KIAA1549L: variants seen among roughly 807,000 people sequenced by gnomAD.
KIAA1549L encodes UPF0606 protein KIAA1549L.
Under a neutral mutation model 160.7 loss-of-function variants are expected in KIAA1549L, and 88 were observed. The ratio of observed to expected loss-of-function variants is 0.55; its 90% confidence interval spans 0.46 to 0.65. KIAA1549L has a LOEUF of 0.65. Among genes scored for constraint, KIAA1549L ranks in the 30% least tolerant of loss-of-function variants. KIAA1549L has a pLI of 0.00. For missense variants in KIAA1549L, 2,258 were observed against 2,437.5 expected, an observed-to-expected ratio of 0.93 and a Z score of 1.55; for synonymous variants, 950 against 976.7, an observed-to-expected ratio of 0.97 and a Z score of 0.51.
chr11:33,624,798 T>G (rs899906096), intron 16 of KIAA1549L, among the ~76,000 whole-genome samples: 3 of 151,734 alleles, frequency 2.0e-5, no homozygotes, highest in African/African-American at 7.3e-5. Flanking sequence ...AGGGTACATG[T>G]GCACAATGTG....
intron 1 of KIAA1549L, among the ~76,000 whole-genome samples, chr11:33,450,490 T>C (rs2132970263): frequency 6.6e-6 from 1 of 152,186 alleles, no homozygotes; most frequent in Non-Finnish European, 1.5e-5. Context: ...AGGCTGGGAA[T>C]CTGGGGCTGC....
chr11:33,405,455 A>G (rs1850625235), intron 1 of KIAA1549L, among the ~76,000 whole-genome samples: 1 of 152,086 alleles, frequency 6.6e-6, no homozygotes, highest in African/African-American at 2.4e-5. Flanking sequence ...TAGACTAACA[A>G]AAAAATTCCA....
intron 6 of KIAA1549L, among the ~76,000 whole-genome samples, chr11:33,553,454 G>C (rs1299165963): frequency 6.6e-6 from 1 of 152,128 alleles, no homozygotes; most frequent in Non-Finnish European, 1.5e-5. Context: ...TAGACCCAGT[G>C]GTTTTAAAAT....
chr11:33,487,754 C>T (rs1852563702), intron 1 of KIAA1549L, among the ~76,000 whole-genome samples: 1 of 152,070 alleles, frequency 6.6e-6, no homozygotes. Flanking sequence ...AATATACAGT[C>T]AGGGTTGAGA....
At chr11:33,427,953 T>A (rs1199596370) in intron 1 of KIAA1549L, among the ~76,000 whole-genome samples, 1 of 152,274 alleles carries the variant, frequency 6.6e-6, no homozygotes, top group Non-Finnish European at 1.5e-5. Flanking sequence ...GAATTTCATT[T>A]CCTTTTATTG....
At chr11:33,407,081 A>ATTTT (rs750670251) in intron 1 of KIAA1549L, among the ~76,000 whole-genome samples, 2,260 of 100,064 alleles carry the variant, frequency 0.023, 127 homozygotes, top group African/African-American at 0.045. Context: ...TTCTTTTTTC[A>ATTTT]TTTTTTTTTT....
intron 18 of KIAA1549L, among the ~76,000 whole-genome samples, chr11:33,658,169 T>C (rs1473836861): frequency 1.3e-5 from 2 of 152,218 alleles, no homozygotes; most frequent in Non-Finnish European, 2.9e-5. Context: ...ATGGGCTTGA[T>C]TCTCTGATTG....
At position 33,598,813 on chromosome 11, in the gene KIAA1549L, C is replaced by A; in HGVS notation, c.4752-7C>A. ...ACCGTCTCCCCTGTTGCTATGGTTA[C>A]CTCCAGCAGGTCGCCCAGTGAGAAT... On this transcript the variant is annotated splice_region_variant and splice_polypyrimidine_tract_variant and intron_variant, in intron 12 of 20. Coordinates refer to ENST00000658780, the MANE Select transcript of KIAA1549L (RefSeq NM_012194.3). 6.2e-7 allele frequency: 1 copy of A among 1,613,830 alleles called. No individual in the cohort carries two copies. The highest frequency in any genetic ancestry group is 1.1e-5 in the South Asian group (1 of 91,064).
chr11:33,389,325 T>G (rs182920942), intron 1 of KIAA1549L, among the ~76,000 whole-genome samples: 15 of 152,306 alleles, frequency 9.8e-5, no homozygotes, highest in African/African-American at 3.6e-4. Flanking sequence ...ATGGGAAGTG[T>G]GAGAAGAAAA....
chr11:33,519,853 C>T (rs1853436938), intron 1 of KIAA1549L, among the ~76,000 whole-genome samples: 1 of 152,074 alleles, frequency 6.6e-6, no homozygotes, highest in South Asian at 2.1e-4. Flanking sequence ...CCTCACATTT[C>T]CTCTTTGCCT....
At chr11:33,422,109 C>A (rs1242434497) in intron 1 of KIAA1549L, among the ~76,000 whole-genome samples, 1 of 152,064 alleles carries the variant, frequency 6.6e-6, no homozygotes, top group African/African-American at 2.4e-5. Context: ...TCCTCTCCTG[C>A]CAGGCCTCTC....
intron 1 of KIAA1549L, among the ~76,000 whole-genome samples, chr11:33,412,865 G>A (rs976349389): frequency 1.3e-5 from 2 of 152,176 alleles, no homozygotes; most frequent in African/African-American, 4.8e-5. Context: ...TAGAAACAAG[G>A]AAACTGAGAT....
intron 5 of KIAA1549L, among the ~76,000 whole-genome samples, chr11:33,551,735 C>G (rs889614612): frequency 2.0e-5 from 3 of 152,056 alleles, no homozygotes; most frequent in African/African-American, 7.2e-5. Flanking sequence ...CTCTTAAAAT[C>G]GAAACACTCA....
intron 1 of KIAA1549L, among the ~76,000 whole-genome samples, chr11:33,461,072 G>A (rs1255669925): frequency 6.6e-6 from 1 of 151,882 alleles, no homozygotes; most frequent in Non-Finnish European, 1.5e-5. Flanking sequence ...ATTGAATTGG[G>A]GGGTTGGTTT....
intron 16 of KIAA1549L, among the ~76,000 whole-genome samples, chr11:33,634,536 G>C (rs571041587): frequency 6.6e-6 from 1 of 152,296 alleles, no homozygotes; most frequent in African/African-American, 2.4e-5. Flanking sequence ...TGGATCTTGT[G>C]GGCTGCTCAG....
At chr11:33,394,873 A>G (rs1850342951) in intron 1 of KIAA1549L, among the ~76,000 whole-genome samples, 1 of 152,230 alleles carries the variant, frequency 6.6e-6, no homozygotes, top group South Asian at 2.1e-4. Flanking sequence ...GTCTGCGTGC[A>G]GCAGATGGAA....
At chr11:33,666,498 G>A (rs1042835968) in intron 20 of KIAA1549L, among the ~76,000 whole-genome samples, 4 of 152,084 alleles carry the variant, frequency 2.6e-5, no homozygotes, top group Admixed American at 6.5e-5. Context: ...TACTTCATTC[G>A]CCATAGCACC....
Position 33,544,337 on chromosome 11 carries a change from G to A in KIAA1549L, c.2773+1G>A, listed in dbSNP as rs748165287. 3 of 1,613,640 alleles carry A rather than the reference G, an allele frequency of 1.9e-6. No homozygotes were observed. The South Asian group carries it at 3.3e-5, about 18-fold the overall frequency. On this transcript the variant is annotated splice_donor_variant, in intron 2 of 20. Transcript: ENST00000658780. LOFTEE classifies it high-confidence loss of function. ...TCTCAGCACCCCAAGAAATGGACAGGTGCAGCCACTAATGCAGGTAGTTTG... is the reference window on the plus strand; with the variant it reads ...TCTCAGCACCCCAAGAAATGGACAGATGCAGCCACTAATGCAGGTAGTTTG...
At chr11:33,632,655 T>A (rs1170769244) in intron 16 of KIAA1549L, among the ~76,000 whole-genome samples, 1 of 152,156 alleles carries the variant, frequency 6.6e-6, no homozygotes, top group African/African-American at 2.4e-5. Context: ...CACAGCTCAC[T>A]GCAGCCCCAA....
Sources: gnomAD v4.1 joint callset for allele counts (sites outside exome capture counted in the v4.1 genomes callset) on GRCh38, gnomAD v4.1.1 for gene constraint, MANE v1.5 for transcripts, NCBI Gene and HGNC (gene_info 2026-07-23, HGNC 2026-07-21) for gene names.